ENDOD1: variants seen among roughly 807,000 people sequenced by gnomAD.
The protein encoded by ENDOD1 is endonuclease domain-containing 1 protein.
A neutral mutation model predicts 6.5 loss-of-function variants in ENDOD1; 9 were observed. The ratio of observed to expected loss-of-function variants is 1.39; its 90% confidence interval spans 0.84 to 2.43. The LOEUF is 2.43. Ranked by LOEUF, ENDOD1 falls within the 30% of genes most tolerant of loss-of-function variation. ENDOD1 has a pLI of 0.00. For missense variants in ENDOD1, 648 were observed against 635.5 expected (o/e 1.02, Z -0.21); for synonymous variants, 255 against 255.2 (o/e 1.00, Z 0.01).
At chr11:95,098,120 CAT>C (rs544115473) in intron 1 of ENDOD1, among the ~76,000 whole-genome samples, 473 of 151,938 alleles carry the variant, frequency 3.1e-3, no homozygotes, top group African/African-American at 0.01. Context: ...GATTTTGGAA[CAT>C]ATTGGATTTT....
At chr11:95,096,447 C>T (rs11021040) in intron 1 of ENDOD1, among the ~76,000 whole-genome samples, 5,799 of 152,040 alleles carry the variant, frequency 0.038, 139 homozygotes, top group South Asian at 0.077. Context: ...GTTTAATATT[C>T]CAGTCATGCT....
intron 1 of ENDOD1, 62 bp downstream of exon 1, chr11:95,090,289 C>T: frequency 1.5e-6 from 2 of 1,349,816 alleles, no homozygotes; most frequent in Non-Finnish European, 9.5e-7. Context: ...TGGACATGCC[C>T]CCAGTTGCAG....
Position 95,131,076 on chromosome 11 carries a change from T to C in ENDOD1, c.*1497T>C, listed in dbSNP as rs1859366191. 6.6e-6 allele frequency: 1 copy of C among 152,182 alleles called. No homozygotes were observed. The highest frequency in any genetic ancestry group is 2.4e-5 in the African/African-American group (1 of 41,442). The allele number at this position is 152,182 out of a possible 1,614,324, so 9.4% of individuals were successfully genotyped here. ...GGTCGATGGATGAGAAACATGAGCG[T>C]AGCAAGAGTTACATTTTGCAGAAAA... On this transcript the variant is annotated 3_prime_UTR_variant, in exon 2 of 2. Coordinates refer to ENST00000278505, the MANE Select transcript of ENDOD1 (RefSeq NM_015036.3).
At chr11:95,111,822 T>G (rs1859153536) in intron 1 of ENDOD1, among the ~76,000 whole-genome samples, 2 of 152,184 alleles carry the variant, frequency 1.3e-5, no homozygotes. Context: ...TCAGGTAACC[T>G]GCCCTAAGAT....
intron 1 of ENDOD1, among the ~76,000 whole-genome samples, chr11:95,113,657 C>T (rs1366909039): frequency 6.6e-6 from 1 of 152,124 alleles, no homozygotes; most frequent in Non-Finnish European, 1.5e-5. Flanking sequence ...TGTTGAAGGA[C>T]ACTTAGGTTG....
chr11:95,111,444 A>G (rs970123095), intron 1 of ENDOD1, among the ~76,000 whole-genome samples: 3 of 152,094 alleles, frequency 2.0e-5, no homozygotes, highest in Admixed American at 6.5e-5. Context: ...TTTGTAATCT[A>G]TAATGAAATA....
chr11:95,114,928 G>T lies in ENDOD1; in HGVS notation c.301-13449G>T, dbSNP rs115744168. ...AGTATAATTTGAAGTCAGGTAGTATGATTCCTCCTGTTTTGTTCATTTTAC... is the reference window on the plus strand; with the variant it reads ...AGTATAATTTGAAGTCAGGTAGTATTATTCCTCCTGTTTTGTTCATTTTAC... On this transcript the variant is annotated intron_variant, in intron 1 of 1. Coordinates refer to ENST00000278505, the MANE Select transcript of ENDOD1 (RefSeq NM_015036.3). Among the ~76,000 whole-genome samples, 1,418 of 152,294 alleles carry T rather than the reference G, an allele frequency of 9.3e-3. 25 individuals carry two copies. The highest frequency in any genetic ancestry group is 0.033 in the African/African-American group (1,354 of 41,568).
rs1858907850 is a variant in ENDOD1 at position 95,089,888 on chromosome 11, A to C, written c.-40A>C. 3 of 1,296,924 alleles carry C rather than the reference A, an allele frequency of 2.3e-6. No individual in the cohort carries two copies. The highest frequency in any genetic ancestry group is 2.9e-6 in the Non-Finnish European group (3 of 1,020,134). 80.3% of individuals were successfully genotyped at this position (1,296,924 alleles called of 1,614,324 possible). A position where few individuals can be genotyped will look rare whatever the true frequency, so the allele number is the denominator to read the frequency against. ...CAGCCTGCAGAGCTCGCGCCGCGGC[A>C]GCCCAGCCGCTCGGCCCCGCCGCGC... On this transcript the variant is annotated 5_prime_UTR_variant, in exon 1 of 2. Coordinates refer to ENST00000278505, the MANE Select transcript of ENDOD1 (RefSeq NM_015036.3).
At chr11:95,122,449 T>A (rs1705493127) in intron 1 of ENDOD1, among the ~76,000 whole-genome samples, 1 of 148,396 alleles carries the variant, frequency 6.7e-6, no homozygotes, top group Admixed American at 6.8e-5. Flanking sequence ...GGCAGGCTGG[T>A]CTTGAACTCT....
chr11:95,112,152 C>G (rs1859157364), intron 1 of ENDOD1, among the ~76,000 whole-genome samples: 1 of 152,202 alleles, frequency 6.6e-6, no homozygotes, highest in African/African-American at 2.4e-5. Context: ...GTTGATCATC[C>G]CCTAGCCAAA....
chr11:95,121,109 T>C (rs1311757349), intron 1 of ENDOD1, among the ~76,000 whole-genome samples: 1 of 152,216 alleles, frequency 6.6e-6, no homozygotes, highest in Non-Finnish European at 1.5e-5. Context: ...CCTCTTTTAG[T>C]GATATGAAGT....
chr11:95,106,033 G>C (rs1190633193), intron 1 of ENDOD1, among the ~76,000 whole-genome samples: 1 of 152,194 alleles, frequency 6.6e-6, no homozygotes, highest in East Asian at 1.9e-4. Context: ...ATGAATGTAT[G>C]ATCTGGTCCC....
chr11:95,100,048 G>A (rs1241073848), intron 1 of ENDOD1, among the ~76,000 whole-genome samples: 2 of 152,092 alleles, frequency 1.3e-5, no homozygotes, highest in Non-Finnish European at 1.5e-5. Context: ...TCTCATTCTT[G>A]GATATCTCCA....
At chr11:95,097,020 G>A (rs1269033899) in intron 1 of ENDOD1, among the ~76,000 whole-genome samples, 3 of 152,018 alleles carry the variant, frequency 2.0e-5, no homozygotes, top group African/African-American at 7.2e-5. Context: ...GAGGAGTGCT[G>A]GCATGCACCT....
At chr11:95,096,192 G>A (rs1344912486) in intron 1 of ENDOD1, among the ~76,000 whole-genome samples, 1 of 108,844 alleles carries the variant, frequency 9.2e-6, no homozygotes, top group Non-Finnish European at 1.8e-5. Flanking sequence ...TCAGTTATCT[G>A]GTCTATCTTC....
chr11:95,110,584 T>TG (rs368430052), intron 1 of ENDOD1, among the ~76,000 whole-genome samples: 9 of 55,490 alleles, frequency 1.6e-4, no homozygotes, highest in African/African-American at 3.7e-4. Context: ...CGTGTATGTA[T>TG]GTGTGTGTGT....
At chr11:95,119,647 C>T (rs1051031867) in intron 1 of ENDOD1, among the ~76,000 whole-genome samples, 7 of 152,304 alleles carry the variant, frequency 4.6e-5, no homozygotes, top group African/African-American at 1.4e-4. Context: ...CATCCACAGC[C>T]TGCTGTAACC....
chr11:95,113,782 G>A (rs562813223), intron 1 of ENDOD1, among the ~76,000 whole-genome samples: 15 of 152,228 alleles, frequency 9.9e-5, no homozygotes, highest in South Asian at 4.1e-4. Flanking sequence ...GAATTGCTGC[G>A]TCATATTGTC....
At chr11:95,125,012 C>G (rs1859298148) in intron 1 of ENDOD1, among the ~76,000 whole-genome samples, 2 of 152,016 alleles carry the variant, frequency 1.3e-5, no homozygotes, top group Admixed American at 1.3e-4. Context: ...TTATCCTCCC[C>G]TGTTCTCCTT....
Sources: allele counts gnomAD v4.1 joint callset (sites outside exome capture counted in the v4.1 genomes callset), GRCh38; gene constraint gnomAD v4.1.1; transcripts MANE v1.5; gene names NCBI Gene and HGNC (gene_info 2026-07-23, HGNC 2026-07-21).